Variants in MYO9A observed in about 807,000 individuals in gnomAD.
MYO9A encodes the protein myosin IXA.
Under a neutral mutation model 293.3 loss-of-function variants are expected in MYO9A, and 103 were observed. That is an observed-to-expected ratio of 0.35 (90% confidence interval 0.30 to 0.41). MYO9A has a LOEUF of 0.41. Ranked by LOEUF, MYO9A falls within the 10% of genes least tolerant of loss-of-function variation. The probability of loss-of-function intolerance (pLI) is 1.00; values close to 1 mark genes in which losing one functional copy is unlikely to be tolerated. For synonymous variants in MYO9A, 1,001 were observed against 1,035.7 expected (o/e 0.97, Z 0.64); for missense variants, 2,685 against 3,033.0 (o/e 0.89, Z 2.69).
chr15:72,023,868 G>A (rs78711746), intron 4 of MYO9A, among the ~76,000 whole-genome samples: 2,841 of 152,202 alleles, frequency 0.019, 52 homozygotes, highest in Middle Eastern at 0.027. Context: ...ACTCTAGAGA[G>A]TATAAACTCA....
intron 8 of MYO9A, among the ~76,000 whole-genome samples, chr15:72,003,917 T>C (rs891331763): frequency 2.6e-5 from 4 of 152,196 alleles, no homozygotes; most frequent in African/African-American, 9.6e-5. Flanking sequence ...TCTCTGCTAA[T>C]GATCCTTCTA....
At chr15:71,842,572 A>G (rs1477121611) in intron 39 of MYO9A, among the ~76,000 whole-genome samples, 5 of 150,990 alleles carry the variant, frequency 3.3e-5, no homozygotes, top group Admixed American at 2.0e-4. Context: ...TAATATTTCT[A>G]TATGTGGCTG....
At chr15:71,927,349 T>G (rs1255157852) in intron 18 of MYO9A, among the ~76,000 whole-genome samples, 3 of 152,214 alleles carry the variant, frequency 2.0e-5, no homozygotes, top group African/African-American at 7.2e-5. Flanking sequence ...GTGCAGAAGC[T>G]TTTGAGTTTG....
chr15:71,902,900 A>C (rs756586797), intron 22 of MYO9A, 41 bp downstream of exon 22: 12 of 1,407,184 alleles, frequency 8.5e-6, no homozygotes, highest in Non-Finnish European at 8.6e-6. Flanking sequence ...TTTTAAATAA[A>C]TGCACTCAAT....
intron 19 of MYO9A, among the ~76,000 whole-genome samples, chr15:71,906,414 T>G (rs1458166638): frequency 1.3e-5 from 2 of 152,204 alleles, no homozygotes; most frequent in Admixed American, 1.3e-4. Flanking sequence ...TGCTGAAGTT[T>G]CCAAGCATAA....
At chr15:72,034,268 C>G (rs1179278326) in intron 2 of MYO9A, among the ~76,000 whole-genome samples, 1 of 152,200 alleles carries the variant, frequency 6.6e-6, no homozygotes, top group Admixed American at 6.5e-5. Context: ...TAAGGTCCAG[C>G]AATCTGTGCT....
chr15:72,002,441 C>A (rs2076895349), intron 8 of MYO9A, among the ~76,000 whole-genome samples: 1 of 151,982 alleles, frequency 6.6e-6, no homozygotes, highest in African/African-American at 2.4e-5. Flanking sequence ...TAAACTCAAA[C>A]AATCCACCTG....
chr15:72,044,820 C>G (rs192256009), intron 2 of MYO9A, among the ~76,000 whole-genome samples: 1 of 152,218 alleles, frequency 6.6e-6, no homozygotes, highest in Admixed American at 6.5e-5. Flanking sequence ...CAGTTAGACA[C>G]GACCTGACTC....
chr15:72,100,745 G>A (rs758337040), intron 1 of MYO9A, among the ~76,000 whole-genome samples: 1 of 150,756 alleles, frequency 6.6e-6, no homozygotes, highest in African/African-American at 2.4e-5. Context: ...TCTGAGAAGT[G>A]AGGAGACCCT....
At chr15:72,032,631 AAAT>A in intron 2 of MYO9A, 43 bp from the exon 3 acceptor site, 2 of 1,504,762 alleles carry the variant, frequency 1.3e-6, no homozygotes, top group African/African-American at 1.4e-5. Context: ...TAAAAAAAAA[AAAT>A]TTTTTTTTGG....
intron 1 of MYO9A, among the ~76,000 whole-genome samples, chr15:72,077,470 T>C (rs1032490323): frequency 7.9e-5 from 12 of 151,840 alleles, no homozygotes. Flanking sequence ...TGTGGGTGGA[T>C]CATTTGAGGT....
intron 33 of MYO9A, among the ~76,000 whole-genome samples, chr15:71,860,384 T>C (rs1567205366): frequency 1.3e-5 from 2 of 152,066 alleles, no homozygotes; most frequent in African/African-American, 4.8e-5. Flanking sequence ...ATAAAGAAAA[T>C]GTTCAGAGCT....
At chr15:72,002,648 C>A (rs974247494) in intron 8 of MYO9A, among the ~76,000 whole-genome samples, 10 of 151,930 alleles carry the variant, frequency 6.6e-5, no homozygotes, top group African/African-American at 2.4e-4. Flanking sequence ...ATATAAAGAC[C>A]GAAAACATGC....
chr15:71,906,856 C>T (rs1204382991), intron 19 of MYO9A, among the ~76,000 whole-genome samples: 4 of 147,456 alleles, frequency 2.7e-5, no homozygotes, highest in Non-Finnish European at 4.5e-5. Flanking sequence ...CTCTGCCTCC[C>T]GGGTTCACGC....
chr15:71,947,597 G>T (rs2058949874), intron 15 of MYO9A, among the ~76,000 whole-genome samples: 1 of 152,074 alleles, frequency 6.6e-6, no homozygotes, highest in African/African-American at 2.4e-5. Flanking sequence ...AGATATATCT[G>T]TTAATTGATT....
At chr15:71,920,368 C>T (rs1312631398) in intron 18 of MYO9A, among the ~76,000 whole-genome samples, 3 of 151,990 alleles carry the variant, frequency 2.0e-5, no homozygotes, top group Admixed American at 6.6e-5. Flanking sequence ...TATTAAGAGG[C>T]GAAGGGGAGG....
intron 1 of MYO9A, among the ~76,000 whole-genome samples, chr15:72,064,895 A>C (rs1016531638): frequency 6.6e-6 from 1 of 152,220 alleles, no homozygotes; most frequent in Non-Finnish European, 1.5e-5. Context: ...TGGACCTAGA[A>C]TAGCCAAGAC....
At chr15:72,039,743 C>T (rs941520232) in intron 2 of MYO9A, among the ~76,000 whole-genome samples, 7 of 152,226 alleles carry the variant, frequency 4.6e-5, no homozygotes, top group Admixed American at 6.5e-5. Context: ...ACAGGAGAAT[C>T]GCTTGATCCC....
intron 1 of MYO9A, among the ~76,000 whole-genome samples, chr15:72,051,222 T>TG (rs2078552090): frequency 6.6e-6 from 1 of 152,100 alleles, no homozygotes; most frequent in African/African-American, 2.4e-5. Flanking sequence ...ATGCCACCGA[T>TG]GGCAGCAGCG....
Sources: gnomAD v4.1 joint callset for allele counts (sites outside exome capture counted in the v4.1 genomes callset) on GRCh38, gnomAD v4.1.1 for gene constraint, MANE v1.5 for transcripts, NCBI Gene and HGNC (gene_info 2026-07-23, HGNC 2026-07-21) for gene names.